The following GPATCH2L variants were observed in gnomAD, a reference collection of about 807,000 sequenced individuals.
GPATCH2L encodes the protein G-patch domain containing 2 like.
A neutral mutation model predicts 57.4 loss-of-function variants in GPATCH2L; 31 were observed. The observed-to-expected ratio is 0.54, with a 90% CI of 0.41 to 0.73. The LOEUF (loss-of-function observed/expected upper bound fraction) is 0.73, where lower values mean the gene tolerates loss of function less well. Ranked by LOEUF, GPATCH2L falls within the 30% of genes least tolerant of loss-of-function variation. The pLI is 0.00. For synonymous variants in GPATCH2L, 199 were observed against 210.7 expected, an observed-to-expected ratio of 0.94 and a Z score of 0.48; for missense variants, 481 against 599.9, an observed-to-expected ratio of 0.80 and a Z score of 2.07.
rs117260815 is a variant in GPATCH2L at position 76,204,478 on chromosome 14, G to A, written c.*2627G>A. The A allele has an allele frequency of 8.5e-5, 13 of 152,258 alleles. No individual in the cohort carries two copies. Among genetic ancestry groups the A allele is most frequent in the Non-Finnish European group, 1.9e-4 (13 of 68,026 alleles). The allele number at this position is 152,258 out of a possible 1,614,324, so 9.4% of individuals were successfully genotyped here. ...AATTATTAATCAGTGTATTCTGCTT[G>A]CTTTCTGTATTAACCAGTTCCAGAG... On this transcript the variant is annotated 3_prime_UTR_variant, in exon 10 of 10. Coordinates refer to ENST00000261530, the MANE Select transcript of GPATCH2L (RefSeq NM_017926.4).
At chr14:76,235,077 A>G (rs924866256) in intron 2 of GPATCH2L, among the ~76,000 whole-genome samples, 5 of 151,434 alleles carry the variant, frequency 3.3e-5, no homozygotes, top group African/African-American at 1.2e-4. Flanking sequence ...CTGAGGCAGG[A>G]GAATTGCTTG....
At position 76,154,308 on chromosome 14, in the gene GPATCH2L, TTTTTC is replaced by T; in HGVS notation, c.-10-37_-10-33del. 4.8e-6 allele frequency: 7 copies of T among 1,460,908 alleles called. No individual in the cohort carries two copies. Among genetic ancestry groups the T allele is most frequent in the Non-Finnish European group, 6.5e-6 (7 of 1,080,500 alleles). The allele number at this position is 1,460,908 out of a possible 1,614,324, so 90.5% of individuals were successfully genotyped here. On this transcript the variant is annotated intron_variant, in intron 1 of 9. Transcript: ENST00000261530. The surrounding 1 kb of genome is among the most constrained non-coding windows in gnomAD (Gnocchi z 4.4). ...GATCCTTTTTCAGGCTTTCTTTTTC[TTTTTC>T]TTTTCTTTCTTTCTTTTTTTCCTAA...
At chr14:76,184,023 G>GGGGGGTGT (rs1321748835) in intron 8 of GPATCH2L, among the ~76,000 whole-genome samples, 5 of 5,924 alleles carry the variant, frequency 8.4e-4, no homozygotes, top group Admixed American at 3.3e-3. Context: ...TCATTAGCAT[G>GGGGGGTGT]GTGTGTGTGT....
intron 1 of GPATCH2L, chr14:76,229,766 A>T (rs1012375077): frequency 6.6e-6 from 1 of 152,146 alleles, no homozygotes; most frequent in African/African-American, 2.4e-5. Flanking sequence ...TTCTAAAGCT[A>T]TGCAGTGGGA....
chr14:76,210,253 A>G lies in GPATCH2L; in HGVS notation c.*8402A>G, dbSNP rs2040425148. The G allele has an allele frequency of 1.3e-5, 2 of 152,226 alleles. No individual in the cohort carries two copies. Among genetic ancestry groups the G allele is most frequent in the South Asian group, 4.1e-4 (2 of 4,822 alleles). 9.4% of individuals were successfully genotyped at this position (152,226 alleles called of 1,614,324 possible). A position where few individuals can be genotyped will look rare whatever the true frequency, so the allele number is the denominator to read the frequency against. On this transcript the variant is annotated 3_prime_UTR_variant, in exon 10 of 10. Transcript: ENST00000261530. ...GGTACTTTTATCTCCATTTTAAAACAATGAAATACACTTACAGTTACAGAC... is the reference window on the plus strand; with the variant it reads ...GGTACTTTTATCTCCATTTTAAAACGATGAAATACACTTACAGTTACAGAC...
rs925663562 is a variant in GPATCH2L at position 76,213,199 on chromosome 14, A to G, written c.*11348A>G. ...ACATTTTAGCTAACATTACAAGAGAAGACAAACACAAAATAAGAATTACCA... is the reference window on the plus strand; with the variant it reads ...ACATTTTAGCTAACATTACAAGAGAGGACAAACACAAAATAAGAATTACCA... On this transcript the variant is annotated 3_prime_UTR_variant, in exon 10 of 10. Coordinates refer to ENST00000261530, the MANE Select transcript of GPATCH2L (RefSeq NM_017926.4). 2 of 152,208 alleles carry G rather than the reference A, an allele frequency of 1.3e-5. No homozygotes were observed. The highest frequency in any genetic ancestry group is 2.9e-5 in the Non-Finnish European group (2 of 68,028). 9.4% of individuals were successfully genotyped at this position (152,208 alleles called of 1,614,324 possible).
chr14:76,152,529 C>G (rs2038098826), intron 1 of GPATCH2L: 1 of 389,376 alleles, frequency 2.6e-6, no homozygotes, highest in Admixed American at 3.2e-5. Flanking sequence ...TACTTGCTGT[C>G]CACCAGCTAC....
In GPATCH2L at chr14:76,208,690, C is replaced by T. The variant is rs1247128419; in HGVS notation, c.*6839C>T. On this transcript the variant is annotated 3_prime_UTR_variant, in exon 10 of 10. Transcript: ENST00000261530. ...CTTGATCTAGCTACAGCCTCACACT[C>T]CTGGCACATACAGCTTTGCATTTAA... The T allele has an allele frequency of 1.3e-5, 2 of 152,586 alleles. No homozygotes were observed. The highest frequency in any genetic ancestry group is 2.9e-5 in the Non-Finnish European group (2 of 68,240). 9.5% of individuals were successfully genotyped at this position (152,586 alleles called of 1,614,324 possible). A position where few individuals can be genotyped will look rare whatever the true frequency, so the allele number is the denominator to read the frequency against.
chr14:76,189,969 C>A (rs556765538), intron 8 of GPATCH2L, among the ~76,000 whole-genome samples: 71 of 152,164 alleles, frequency 4.7e-4, no homozygotes, highest in African/African-American at 1.6e-3. Flanking sequence ...GTGAACTATT[C>A]CTTAAACTAG....
intron 2 of GPATCH2L, among the ~76,000 whole-genome samples, chr14:76,231,375 G>C (rs2040560815): frequency 6.6e-6 from 1 of 152,110 alleles, no homozygotes; most frequent in Non-Finnish European, 1.5e-5. Flanking sequence ...GACCTTCTCT[G>C]TAGGTCCTCA....
Position 76,154,419 on chromosome 14 carries a change from A to G in GPATCH2L, c.56A>G (p.Asn19Ser), listed in dbSNP as rs780915485. The G allele has an allele frequency of 3.1e-6, 5 of 1,614,028 alleles. No homozygotes were observed. Among genetic ancestry groups the G allele is most frequent in the East Asian group, 2.2e-5 (1 of 44,886 alleles). ...GCCTTGGAGCAGACATCTGAGCAGA[A>G]TAAGCTTGGTGAACTGTGGGAGGAG... ...ASALEQTSEQNKLGELWEEMA... is the reference protein window; with the variant it reads ...ASALEQTSEQSKLGELWEEMA... The change falls in exon 2 of 10, where the codon AAT becomes AGT. Residue 19 changes from asparagine (N) to serine (S), a missense_variant. By Grantham distance (46) the Asn-to-Ser change is conservative (BLOSUM62 1). Coordinates refer to ENST00000261530, the MANE Select transcript of GPATCH2L (RefSeq NM_017926.4). The surrounding 1 kb of genome is among the most constrained non-coding windows in gnomAD (Gnocchi z 4.4).
intron 1 of GPATCH2L, among the ~76,000 whole-genome samples, chr14:76,224,428 T>G (rs950829946): frequency 3.2e-4 from 48 of 152,290 alleles, no homozygotes; most frequent in African/African-American, 1.1e-3. Flanking sequence ...TTTCACTACA[T>G]TAGCATCGTA....
intron 3 of GPATCH2L, among the ~76,000 whole-genome samples, chr14:76,167,822 T>G (rs2038914010): frequency 6.6e-6 from 1 of 152,228 alleles, no homozygotes. Flanking sequence ...TGAGTTTCCA[T>G]GAATGAGTTA....
chr14:76,180,896 T>G, intron 8 of GPATCH2L, 47 bp downstream of exon 8: 1 of 1,075,190 alleles, frequency 9.3e-7, no homozygotes, highest in Non-Finnish European at 1.5e-6. Flanking sequence ...CAATACTATA[T>G]TCCTTTCTAT....
At chr14:76,230,293 A>G (rs928959403) in intron 2 of GPATCH2L, 1 of 152,230 alleles carries the variant, frequency 6.6e-6, no homozygotes, top group Admixed American at 6.5e-5. Flanking sequence ...AAATGAACCC[A>G]TGCAGCATCA....
At position 76,213,033 on chromosome 14, in the gene GPATCH2L, A is replaced by G. The variant is rs2040458915; in HGVS notation, c.*11182A>G. The stretch of plus-strand genomic sequence containing the variant: ...AAATTCATTGCCCTAAAATTTATGT[A>G]TTAAAAAATAAGATAAATGTCATAT... On this transcript the variant is annotated 3_prime_UTR_variant, in exon 10 of 10. Coordinates refer to ENST00000261530, the MANE Select transcript of GPATCH2L (RefSeq NM_017926.4). 1 of 152,202 alleles carries G rather than the reference A, an allele frequency of 6.6e-6. No individual in the cohort carries two copies. Among genetic ancestry groups the G allele is most frequent in the Non-Finnish European group, 1.5e-5 (1 of 68,026 alleles). The allele number at this position is 152,202 out of a possible 1,614,324, so 9.4% of individuals were successfully genotyped here. A position where few individuals can be genotyped will look rare whatever the true frequency, so the allele number is the denominator to read the frequency against.
downstream of GPATCH2L, among the ~76,000 whole-genome samples, chr14:76,219,290 A>G (rs984543981): frequency 2.0e-5 from 3 of 152,202 alleles, no homozygotes; most frequent in East Asian, 3.8e-4. Context: ...AAATGGGCAA[A>G]GGAGATTAAC....
Position 76,213,582 on chromosome 14 carries a change from G to C in GPATCH2L, c.*11731G>C, listed in dbSNP as rs533870251. On this transcript the variant is annotated 3_prime_UTR_variant, in exon 10 of 10. Coordinates refer to ENST00000261530, the MANE Select transcript of GPATCH2L (RefSeq NM_017926.4). ...AGCTCACCAGCCAGAGATAAAGTGAGGCCAGCTCAGGGAATGTGAGCAGTG... is the reference window on the plus strand; with the variant it reads ...AGCTCACCAGCCAGAGATAAAGTGACGCCAGCTCAGGGAATGTGAGCAGTG... 1 of 152,234 alleles carries C rather than the reference G, an allele frequency of 6.6e-6. No individual in the cohort carries two copies. Among genetic ancestry groups the C allele is most frequent in the African/African-American group, 2.4e-5 (1 of 41,548 alleles). The allele number at this position is 152,234 out of a possible 1,614,324, so 9.4% of individuals were successfully genotyped here.
chr14:76,216,757 A>G (rs80008993), downstream of GPATCH2L, among the ~76,000 whole-genome samples: 31,298 of 152,010 alleles, frequency 0.21, 3,565 homozygotes, highest in African/African-American at 0.31. Flanking sequence ...AGCACTTGGT[A>G]GGAGGAGGGC....
Sources: gnomAD v4.1 joint callset for allele counts (sites outside exome capture counted in the v4.1 genomes callset) on GRCh38, gnomAD v4.1.1 for gene constraint, Gnocchi (gnomAD v3.1) non-coding constraint, MANE v1.5 for transcripts, NCBI Gene and HGNC (gene_info 2026-07-23, HGNC 2026-07-21) for gene names.